The following NFIB variants were observed in gnomAD, a reference collection of about 807,000 sequenced individuals.
NFIB encodes the protein nuclear factor I B, also known as nuclear factor 1 B-type.
Under a neutral mutation model 61.5 loss-of-function variants are expected in NFIB, and 11 were observed. That is an observed-to-expected ratio of 0.18 (90% CI 0.11 to 0.30). The LOEUF is 0.30. NFIB is among the 10% of genes least tolerant of loss of function. NFIB has a pLI of 1.00. For missense variants in NFIB, 471 were observed against 608.9 expected (o/e 0.77, Z 2.38); for synonymous variants, 260 against 216.5 (o/e 1.20, Z -1.76).
At position 14,240,496 on chromosome 9, in the gene NFIB, AAAG is replaced by A. The variant is rs545426062; in HGVS notation, c.563-60719_563-60717del. ...CAGCTCTCAACTTGGAGCATAAAGC[AAAG>A]AAGAAGCAACACAAGACTGCTTCAA... On this transcript the variant is annotated intron_variant, in intron 2 of 10. Transcript: ENST00000380953. Among the ~76,000 whole-genome samples the A allele has an allele frequency of 2.0e-4, 30 of 152,350 alleles. 3 individuals are homozygous for A. The South Asian group carries it at 5.4e-3, about 27-fold the overall frequency.
the NFIB span, among the ~76,000 whole-genome samples, chr9:14,427,351 A>G: frequency 2.6e-5 from 4 of 152,176 alleles, no homozygotes; most frequent in African/African-American, 4.8e-5. Context: ...TGCTTTGCCT[A>G]TATTAGCTTA....
intron 2 of NFIB, among the ~76,000 whole-genome samples, chr9:14,237,344 C>A (rs529484577): frequency 1.3e-5 from 2 of 152,176 alleles, no homozygotes; most frequent in African/African-American, 4.8e-5. Flanking sequence ...AAGCTTTAGC[C>A]ATTCTTAGCC....
intron 1 of NFIB, among the ~76,000 whole-genome samples, chr9:14,350,574 C>A (rs1008965204): frequency 4.6e-5 from 7 of 152,066 alleles, no homozygotes; most frequent in Non-Finnish European, 1.0e-4. Flanking sequence ...TATTCCAGAT[C>A]TCTCAAGAAT....
intron 2 of NFIB, among the ~76,000 whole-genome samples, chr9:14,199,550 G>A (rs1315949843): frequency 6.6e-6 from 1 of 152,212 alleles, no homozygotes; most frequent in South Asian, 2.1e-4. Context: ...ATCTTAGAAT[G>A]TTAAGAGCTG....
chr9:14,501,203 C>T, the NFIB span, among the ~76,000 whole-genome samples: 1 of 152,252 alleles, frequency 6.6e-6, no homozygotes, highest in African/African-American at 2.4e-5. Context: ...TTCCTTTTGT[C>T]TAAATGTGGT....
chr9:14,245,946 G>A (rs1358044174), intron 2 of NFIB, among the ~76,000 whole-genome samples: 2 of 151,958 alleles, frequency 1.3e-5, no homozygotes, highest in African/African-American at 4.8e-5. Flanking sequence ...ATTCCATCTA[G>A]ACAGGTCAGA....
At chr9:14,091,794 T>C (rs1014222365) in intron 10 of NFIB, among the ~76,000 whole-genome samples, 7 of 151,706 alleles carry the variant, frequency 4.6e-5, no homozygotes, top group Admixed American at 3.9e-4. Flanking sequence ...TATAATTACT[T>C]TGCAAAAAAA....
At chr9:14,166,716 C>T (rs1327280948) in intron 3 of NFIB, among the ~76,000 whole-genome samples, 1 of 152,114 alleles carries the variant, frequency 6.6e-6, no homozygotes, top group Non-Finnish European at 1.5e-5. Flanking sequence ...ATCATCAACC[C>T]TTTTCTCATC....
At chr9:14,253,582 A>T (rs2055890715) in intron 2 of NFIB, among the ~76,000 whole-genome samples, 1 of 152,168 alleles carries the variant, frequency 6.6e-6, no homozygotes, top group Non-Finnish European at 1.5e-5. Flanking sequence ...GTTAGTCCCA[A>T]CTACTTGGGT....
the NFIB span, among the ~76,000 whole-genome samples, chr9:14,505,142 C>T: frequency 2.0e-5 from 3 of 152,042 alleles, no homozygotes; most frequent in African/African-American, 2.4e-5. Flanking sequence ...TTTATTGACT[C>T]GTGGATATAA....
the NFIB span, among the ~76,000 whole-genome samples, chr9:14,444,264 A>G: frequency 6.6e-6 from 1 of 152,218 alleles, no homozygotes; most frequent in Non-Finnish European, 1.5e-5. Flanking sequence ...GTTAAAACCA[A>G]GACAATGAAA....
intron 2 of NFIB, among the ~76,000 whole-genome samples, chr9:14,228,609 C>T (rs541499848): frequency 6.6e-6 from 1 of 152,302 alleles, no homozygotes; most frequent in South Asian, 2.1e-4. Flanking sequence ...TTTATTTGGG[C>T]TATATTAATT....
chr9:14,362,182 C>T (rs924131415), intron 1 of NFIB: 2 of 152,128 alleles, frequency 1.3e-5, no homozygotes, highest in Admixed American at 6.6e-5. Flanking sequence ...ATCAAATACC[C>T]CAACATTTGC....
chr9:14,386,639 T>C (rs968755365), intron 1 of NFIB, among the ~76,000 whole-genome samples: 3 of 152,238 alleles, frequency 2.0e-5, no homozygotes, highest in African/African-American at 7.2e-5. Context: ...TTATTATTTC[T>C]GCTTTAAGCC....
intron 6 of NFIB, among the ~76,000 whole-genome samples, chr9:14,145,556 T>C (rs562457027): frequency 1.6e-4 from 25 of 152,212 alleles, no homozygotes; most frequent in Non-Finnish European, 3.1e-4. Flanking sequence ...CCCAGAGTTA[T>C]GTGTCTCCTA....
chr9:14,211,924 G>T (rs1587645063), intron 2 of NFIB, among the ~76,000 whole-genome samples: 1 of 152,198 alleles, frequency 6.6e-6, no homozygotes, highest in Non-Finnish European at 1.5e-5. Context: ...TTTAAAGAAT[G>T]ATCTCTCCAC....
chr9:14,456,482 A>G, the NFIB span, among the ~76,000 whole-genome samples: 1 of 152,180 alleles, frequency 6.6e-6, no homozygotes, highest in Non-Finnish European at 1.5e-5. Flanking sequence ...AACTTCTACA[A>G]ATCAATGCAC....
At chr9:14,297,694 T>G (rs1382210818) in intron 2 of NFIB, among the ~76,000 whole-genome samples, 21 of 152,244 alleles carry the variant, frequency 1.4e-4, no homozygotes, top group Non-Finnish European at 2.9e-4. Flanking sequence ...AACACGCAAG[T>G]AAGGAAATGT....
chr9:14,188,038 A>T (rs1290139579), intron 2 of NFIB, among the ~76,000 whole-genome samples: 2 of 152,150 alleles, frequency 1.3e-5, no homozygotes, highest in Non-Finnish European at 2.9e-5. Flanking sequence ...TGATCTAGGG[A>T]TTGAGTGAAC....
Sources: allele counts gnomAD v4.1 joint callset (sites outside exome capture counted in the v4.1 genomes callset), GRCh38; gene constraint gnomAD v4.1.1; transcripts MANE v1.5; gene names NCBI Gene and HGNC (gene_info 2026-07-23, HGNC 2026-07-21).